The following CSGALNACT1 variants were observed in gnomAD, a reference collection of about 807,000 sequenced individuals.
CSGALNACT1 encodes the protein chondroitin sulfate N-acetylgalactosaminyltransferase 1.
A neutral mutation model predicts 51.0 loss-of-function variants in CSGALNACT1; 52 were observed. The ratio of observed to expected loss-of-function variants is 1.02; its 90% CI spans 0.82 to 1.29. CSGALNACT1 has a LOEUF of 1.29. Ranked by LOEUF, CSGALNACT1 falls within the 50% of genes most tolerant of loss-of-function variation. CSGALNACT1 has a pLI of 0.00. For synonymous variants in CSGALNACT1, 341 were observed against 254.4 expected, an observed-to-expected ratio of 1.34 and a Z score of -3.24; for missense variants, 935 against 679.2, an observed-to-expected ratio of 1.38 and a Z score of -4.19.
chr8:19,486,235 A>G (rs1458728186), intron 4 of CSGALNACT1, among the ~76,000 whole-genome samples: 3 of 151,940 alleles, frequency 2.0e-5, no homozygotes, highest in South Asian at 2.1e-4. Context: ...ACAAGCCTCA[A>G]TCACTCATTT....
chr8:19,695,586 T>G (rs546924352), intron 1 of CSGALNACT1, among the ~76,000 whole-genome samples: 1 of 152,236 alleles, frequency 6.6e-6, no homozygotes. Context: ...AATTAAAGCA[T>G]GATGAAATAA....
At chr8:19,577,178 G>A (rs78733929) in intron 3 of CSGALNACT1, among the ~76,000 whole-genome samples, 3,521 of 152,164 alleles carry the variant, frequency 0.023, 154 homozygotes, top group African/African-American at 0.081. Flanking sequence ...GAAATAGACT[G>A]AGAGTTGTGC....
At chr8:19,606,108 A>C (rs1319231484), upstream of CSGALNACT1, among the ~76,000 whole-genome samples, 1 of 152,188 alleles carries the variant, frequency 6.6e-6, no homozygotes, top group Non-Finnish European at 1.5e-5. Flanking sequence ...ACTGATTCTC[A>C]AAATGTGAAA....
At chr8:19,602,195 C>T (rs2050581487) in exon 1 of CSGALNACT1, 1 of 199,882 alleles carries the variant, frequency 5.0e-6, no homozygotes, top group Non-Finnish European at 1.0e-5. Flanking sequence ...GCCAGCGAGC[C>T]GCTTCCTAAC....
chr8:19,653,373 A>C (rs966302211), intron 1 of CSGALNACT1, among the ~76,000 whole-genome samples: 2 of 152,140 alleles, frequency 1.3e-5, no homozygotes, highest in Admixed American at 6.5e-5. Context: ...CTCCTTGGAC[A>C]CTGGTCCCAT....
At chr8:19,409,500 T>TAGAG (rs61540555) in intron 8 of CSGALNACT1, among the ~76,000 whole-genome samples, 282 of 139,964 alleles carry the variant, frequency 2.0e-3, no homozygotes, top group African/African-American at 6.7e-3. Flanking sequence ...TATATATATA[T>TAGAG]AGAGAGAGAG....
intron 4 of CSGALNACT1, among the ~76,000 whole-genome samples, chr8:19,501,234 G>A (rs960833578): frequency 2.4e-4 from 32 of 132,200 alleles, no homozygotes; most frequent in South Asian, 5.3e-4. Context: ...GTGACAAAGC[G>A]AGACTCCGTC....
intron 1 of CSGALNACT1, among the ~76,000 whole-genome samples, chr8:19,743,526 G>A (rs151249529): frequency 5.9e-5 from 9 of 152,146 alleles, no homozygotes; most frequent in South Asian, 2.1e-4. Flanking sequence ...CTAAATCAGC[G>A]ATGCGAATAT....
chr8:19,443,719 T>A (rs1046685415), intron 5 of CSGALNACT1, among the ~76,000 whole-genome samples: 2 of 152,194 alleles, frequency 1.3e-5, no homozygotes, highest in African/African-American at 2.4e-5. Flanking sequence ...AGCTGAGATG[T>A]GGGTGGGGAT....
chr8:19,637,081 T>C (rs1372158007), intron 1 of CSGALNACT1, among the ~76,000 whole-genome samples: 1 of 151,736 alleles, frequency 6.6e-6, no homozygotes, highest in East Asian at 1.9e-4. Flanking sequence ...CCACCTGTAA[T>C]CCCTCACTTT....
At position 19,418,746 on chromosome 8, in the gene CSGALNACT1, C is replaced by A; in HGVS notation, c.1137G>T (p.Lys379Asn). 3 of 1,605,218 alleles carry A rather than the reference C, an allele frequency of 1.9e-6. No homozygotes were observed. Among genetic ancestry groups the A allele is most frequent in the Non-Finnish European group, 2.6e-6 (3 of 1,171,920 alleles). ...TGAAAAGAACTGGATAAAATACCTT[C>A]TTCCCTACAAACCAGAAAACAAACA... Residue 379 changes from lysine (K) to asparagine (N), a missense_variant, in exon 8 of 10, where the codon AAG becomes AAT. Coordinates refer to ENST00000454498, the Ensembl canonical transcript of CSGALNACT1.
At chr8:19,637,765 G>A (rs940983284) in intron 1 of CSGALNACT1, among the ~76,000 whole-genome samples, 3 of 151,858 alleles carry the variant, frequency 2.0e-5, no homozygotes, top group South Asian at 2.1e-4. Flanking sequence ...AGGATCATTC[G>A]TAACTGACAA....
chr8:19,408,497 T>TTTG, intron 9 of CSGALNACT1, 116 bp downstream of exon 8: 4 of 268,108 alleles, frequency 1.5e-5, no homozygotes, highest in South Asian at 4.3e-5. Flanking sequence ...TTTTTTTTTT[T>TTTG]GAAGGCAATG....
intron 4 of CSGALNACT1, among the ~76,000 whole-genome samples, chr8:19,494,428 G>C (rs2075062271): frequency 6.6e-6 from 1 of 152,050 alleles, no homozygotes; most frequent in Non-Finnish European, 1.5e-5. Context: ...TCTCTGTTCT[G>C]TACACTTGTT....
intron 5 of CSGALNACT1, among the ~76,000 whole-genome samples, chr8:19,441,619 G>A (rs143145881): frequency 1.3e-5 from 2 of 152,150 alleles, no homozygotes; most frequent in South Asian, 2.1e-4. Flanking sequence ...AAAAACCCTA[G>A]AAGAAAACCT....
intron 4 of CSGALNACT1, among the ~76,000 whole-genome samples, chr8:19,484,781 A>G (rs2072435232): frequency 6.6e-6 from 1 of 152,178 alleles, no homozygotes; most frequent in African/African-American, 2.4e-5. Context: ...TAAGTAAGTT[A>G]TTAAGTTACA....
intron 1 of CSGALNACT1, among the ~76,000 whole-genome samples, chr8:19,666,886 A>AAAGG (rs2059294395): frequency 7.5e-6 from 1 of 134,142 alleles, no homozygotes; most frequent in Non-Finnish European, 1.6e-5. Context: ...AGAAAGAAAG[A>AAAGG]GAGAGAGGAA....
At chr8:19,420,827 G>A (rs759718172) in intron 6 of CSGALNACT1, among the ~76,000 whole-genome samples, 13 of 152,238 alleles carry the variant, frequency 8.5e-5, no homozygotes, top group Non-Finnish European at 1.5e-4. Context: ...CTTGAACCAG[G>A]TAAGACTAGA....
chr8:19,471,331 C>G (rs2068118523), intron 4 of CSGALNACT1, among the ~76,000 whole-genome samples: 1 of 152,134 alleles, frequency 6.6e-6, no homozygotes, highest in African/African-American at 2.4e-5. Flanking sequence ...TATAAAATCC[C>G]AGGATCAAGT....
Sources: allele counts gnomAD v4.1 joint callset (sites outside exome capture counted in the v4.1 genomes callset), GRCh38; gene constraint gnomAD v4.1.1; transcripts MANE v1.5; gene names NCBI Gene and HGNC (gene_info 2026-07-23, HGNC 2026-07-21).